Variants in PDE4C observed in about 807,000 individuals in gnomAD.
The protein encoded by PDE4C is phosphodiesterase 4C, also known as 3',5'-cyclic-AMP phosphodiesterase 4C.
Under a neutral mutation model 63.9 loss-of-function variants are expected in PDE4C, and 50 were observed. The observed-to-expected ratio is 0.78, with a 90% CI of 0.62 to 0.99. PDE4C has a LOEUF of 0.99. Among genes scored for constraint, PDE4C ranks in the 50% least tolerant of loss-of-function variants. PDE4C has a pLI of 0.00. For synonymous variants in PDE4C, 377 were observed against 385.1 expected, an observed-to-expected ratio of 0.98 and a Z score of 0.25; for missense variants, 777 against 899.1, an observed-to-expected ratio of 0.86 and a Z score of 1.74.
chr19:18,212,218 C>T (rs1967983230), intron 13 of PDE4C, among the ~76,000 whole-genome samples: 1 of 151,540 alleles, frequency 6.6e-6, no homozygotes, highest in African/African-American at 2.4e-5. Flanking sequence ...GGGTCTCACG[C>T]TGTGACCCTG....
chr19:18,230,150 G>A (rs1968820874), upstream of PDE4C, among the ~76,000 whole-genome samples: 1 of 152,158 alleles, frequency 6.6e-6, no homozygotes. Context: ...TGGAGAGCAA[G>A]GCCAGGTCTG....
Position 18,218,138 on chromosome 19 carries a change from C to T in PDE4C, c.1234+11G>A, listed in dbSNP as rs780995014. ...CCTCTTCTCCTGCACCCACTTCCCACTCCTACTTACTGGTGTTAATCAGAA... is the reference window on the plus strand; with the variant it reads ...CCTCTTCTCCTGCACCCACTTCCCATTCCTACTTACTGGTGTTAATCAGAA... On this transcript the variant is annotated intron_variant, in intron 11 of 14. Coordinates refer to ENST00000262805, the Ensembl canonical transcript of PDE4C. 1 of 1,604,978 alleles carries T rather than the reference C, an allele frequency of 6.2e-7. No individual in the cohort carries two copies. Among genetic ancestry groups the T allele is most frequent in the East Asian group, 2.2e-5 (1 of 44,784 alleles).
At position 18,244,040 on chromosome 19, in the gene PDE4C, A is replaced by T. The variant is rs924292819; in HGVS notation, c.-210+4131T>A. On this transcript the variant is annotated intron_variant, in intron 1 of 15. Coordinates refer to the PDE4C transcript ENST00000594617. ...AGGCTAATCTTTTTTTTTATTTTTT[A>T]TTTTTTTATTTTTAGTAGAGACAGG... Among the ~76,000 whole-genome samples, 8 of 149,492 alleles carry T rather than the reference A, an allele frequency of 5.4e-5. No individual in the cohort carries two copies. The East Asian group carries it at 1.4e-3, about 26-fold the overall frequency.
At chr19:18,227,251 A>G (rs938233156), upstream of PDE4C, among the ~76,000 whole-genome samples, 2 of 152,132 alleles carry the variant, frequency 1.3e-5, no homozygotes, top group South Asian at 2.1e-4. Flanking sequence ...TGAGGCTTCC[A>G]TGGACGCGGT....
At chr19:18,246,787 C>T (rs965097765) in intron 1 of PDE4C, among the ~76,000 whole-genome samples, 3 of 152,034 alleles carry the variant, frequency 2.0e-5, no homozygotes, top group Admixed American at 6.6e-5. Context: ...ATCAGCCGGG[C>T]GTCAAGGCTT....
intron 1 of PDE4C, among the ~76,000 whole-genome samples, chr19:18,239,645 G>A (rs1415071305): frequency 6.6e-6 from 1 of 152,104 alleles, no homozygotes; most frequent in Non-Finnish European, 1.5e-5. Flanking sequence ...TGGGAGAGGT[G>A]GGGTTCAAAG....
At chr19:18,236,719 T>C (rs1323324674), upstream of PDE4C, 7 of 152,256 alleles carry the variant, frequency 4.6e-5, no homozygotes, top group Admixed American at 4.6e-4. Context: ...GTGCCCACTG[T>C]GTGCCAAGTA....
chr19:18,223,336 A>C (rs1968573913), intron 1 of PDE4C, among the ~76,000 whole-genome samples: 1 of 151,666 alleles, frequency 6.6e-6, no homozygotes, highest in South Asian at 2.1e-4. Context: ...TCAGCCTCCC[A>C]AGGAGCTGGG....
exon 1 of PDE4C, chr19:18,233,283 G>T: frequency 6.6e-7 from 1 of 1,515,440 alleles, no homozygotes; most frequent in Non-Finnish European, 8.9e-7. Context: ...CCGGCCCAGG[G>T]CCGGGAGTGG....
At chr19:18,227,632 G>A (rs1040221016), upstream of PDE4C, among the ~76,000 whole-genome samples, 2 of 152,178 alleles carry the variant, frequency 1.3e-5, no homozygotes, top group South Asian at 2.1e-4. Flanking sequence ...CCAAGGCTTA[G>A]CATGTGTCAC....
At chr19:18,229,854 A>ACC (rs1230946825), upstream of PDE4C, among the ~76,000 whole-genome samples, 2 of 150,914 alleles carry the variant, frequency 1.3e-5, no homozygotes, top group Non-Finnish European at 3.0e-5. Flanking sequence ...CTGAATTCAC[A>ACC]CCTCCCAGAG....
chr19:18,220,820 GA>G lies in PDE4C; in HGVS notation c.499+53del. Reference sequence around the variant, plus strand: ...CTCATGGACTGGGGAGGTCACTATGGAAAGGAAGCTCCCAGCTGTCCTCAGC... The same window carrying G: ...CTCATGGACTGGGGAGGTCACTATGGAAGGAAGCTCCCAGCTGTCCTCAGC... On this transcript the variant is annotated intron_variant, in intron 5 of 14. Coordinates refer to ENST00000262805, the Ensembl canonical transcript of PDE4C. The surrounding 1 kb of genome is among the most constrained non-coding windows in gnomAD (Gnocchi z 5.1). 1.3e-6 allele frequency: 2 copies of G among 1,551,842 alleles called. No homozygotes were observed. Among genetic ancestry groups the G allele is most frequent in the Non-Finnish European group, 1.8e-6 (2 of 1,134,712 alleles).
exon 2 of PDE4C, chr19:18,222,291 C>T: frequency 6.2e-7 from 1 of 1,612,342 alleles, no homozygotes; most frequent in Non-Finnish European, 8.5e-7. Context: ...CAGGGCCCTC[C>T]TCCCACACGA....
Position 18,224,781 on chromosome 19 carries a change from G to T in PDE4C, c.146+1489C>A, listed in dbSNP as rs140561716. 1.6e-3 allele frequency among the ~76,000 whole-genome samples: 250 copies of T among 152,358 alleles called. 4 individuals are homozygous for T. The highest frequency in any genetic ancestry group is 5.4e-3 in the African/African-American group (224 of 41,590). On this transcript the variant is annotated intron_variant, in intron 1 of 14. Transcript: ENST00000262805. ...ACCGGGATGAACCCCACGGCCAGCC[G>T]AAGGGGCGGGGCTTCTTAACCCTTC...
At chr19:18,239,912 G>A (rs1322726909) in intron 1 of PDE4C, among the ~76,000 whole-genome samples, 1 of 151,932 alleles carries the variant, frequency 6.6e-6, no homozygotes, top group Non-Finnish European at 1.5e-5. Context: ...TGTAATCCCA[G>A]CTACTTGGGA....
At chr19:18,238,990 C>CA (rs113472618) in intron 1 of PDE4C, among the ~76,000 whole-genome samples, 5,640 of 96,808 alleles carry the variant, frequency 0.058, 144 homozygotes, top group Middle Eastern at 0.11. Context: ...GACCCTGTCT[C>CA]AAAAAAAAAA....
intron 1 of PDE4C, among the ~76,000 whole-genome samples, chr19:18,247,390 G>A (rs1969151065): frequency 6.6e-6 from 1 of 152,106 alleles, no homozygotes; most frequent in East Asian, 1.9e-4. Flanking sequence ...CCGCCTCCCA[G>A]GTTCAAGCAA....
At chr19:18,248,455 AG>A (rs1006103369), upstream of PDE4C, among the ~76,000 whole-genome samples, 6 of 57,360 alleles carry the variant, frequency 1.0e-4, no homozygotes, top group Admixed American at 5.0e-4. Context: ...CAGAGGAAGG[AG>A]GGGGGAAGGA....
chr19:18,216,700 C>G, intron 12 of PDE4C, 41 bp downstream of exon 12: 1 of 1,525,902 alleles, frequency 6.6e-7, no homozygotes, highest in Non-Finnish European at 8.9e-7. Context: ...ATGCCCCGCT[C>G]CCCTCTGCCC....
Sources: gnomAD v4.1 joint callset for allele counts (sites outside exome capture counted in the v4.1 genomes callset) on GRCh38, gnomAD v4.1.1 for gene constraint, Gnocchi (gnomAD v3.1) non-coding constraint, MANE v1.5 for transcripts, NCBI Gene and HGNC (gene_info 2026-07-23, HGNC 2026-07-21) for gene names.